The following ESR1 variants were observed in gnomAD, a reference collection of about 807,000 sequenced individuals.
ESR1 encodes the protein estrogen receptor.
ESR1 carries 12 observed loss-of-function variants against 52.7 expected under a neutral mutation model. That is an observed-to-expected ratio of 0.23 (90% confidence interval 0.15 to 0.37). ESR1 has a LOEUF of 0.37. Ranked by LOEUF, ESR1 falls within the 10% of genes least tolerant of loss-of-function variation. ESR1 has a pLI of 1.00. For missense variants in ESR1, 584 were observed against 779.7 expected, an observed-to-expected ratio of 0.75 and a Z score of 2.99; for synonymous variants, 305 against 316.8, an observed-to-expected ratio of 0.96 and a Z score of 0.39.
intron 5 of ESR1, among the ~76,000 whole-genome samples, chr6:152,012,216 C>T (rs550686628): frequency 6.6e-6 from 1 of 152,174 alleles, no homozygotes; most frequent in African/African-American, 2.4e-5. Context: ...CCAATTTTCC[C>T]ATCCGTAAAA....
At chr6:151,775,712 C>G (rs571701155) in intron 2 of ESR1, among the ~76,000 whole-genome samples, 195 of 150,812 alleles carry the variant, frequency 1.3e-3, no homozygotes, top group African/African-American at 4.5e-3. Flanking sequence ...CGCCACTGCA[C>G]TCCAGCCTGG....
Position 151,944,130 on chromosome 6 carries a change from G to A in ESR1, c.761-43G>A, listed in dbSNP as rs202190274. 47 of 1,553,904 alleles carry A rather than the reference G, an allele frequency of 3.0e-5. 2 individuals carry two copies. Among genetic ancestry groups the A allele is most frequent in the Admixed American group, 2.1e-4 (12 of 57,676 alleles). ...AAATTTTTTGTATAAAAGTTTACACGGGAAAAAAATAAACTAATTTTTTTT... is the reference window on the plus strand; with the variant it reads ...AAATTTTTTGTATAAAAGTTTACACAGGAAAAAAATAAACTAATTTTTTTT... On this transcript the variant is annotated intron_variant, in intron 3 of 7. Coordinates refer to ENST00000206249, the MANE Select transcript of ESR1 (RefSeq NM_000125.4).
At chr6:151,692,605 T>C (rs1779032550) in intron 1 of ESR1, among the ~76,000 whole-genome samples, 1 of 152,188 alleles carries the variant, frequency 6.6e-6, no homozygotes, top group African/African-American at 2.4e-5. Context: ...GTCTCCATTG[T>C]TAATCTCCGA....
chr6:151,962,460 G>T (rs573656774), intron 4 of ESR1, among the ~76,000 whole-genome samples: 2 of 152,094 alleles, frequency 1.3e-5, no homozygotes, highest in African/African-American at 4.8e-5. Flanking sequence ...CACATATCCC[G>T]GATGTAGTGT....
Position 151,944,465 on chromosome 6 carries a change from C to T in ESR1, c.1053C>T (p.Asp351=), listed in dbSNP as rs1020108655. ...TGGGCTTACTGACCAACCTGGCAGA[C>T]AGGGAGCTGGTTCACATGATCAACT... The part of the protein sequence containing the change: ...SMMGLLTNLA[D]RELVHMINWA... The change falls in exon 4 of 8, where the codon GAC becomes GAT. Residue 351 remains aspartate, a synonymous_variant. Coordinates refer to ENST00000206249, the MANE Select transcript of ESR1 (RefSeq NM_000125.4). The T allele has an allele frequency of 9.9e-6, 16 of 1,614,104 alleles. No individual in the cohort carries two copies. The highest frequency in any genetic ancestry group is 6.7e-5 in the Admixed American group (4 of 60,016).
chr6:152,078,653 C>T (rs1231450119), intron 6 of ESR1, among the ~76,000 whole-genome samples: 6 of 152,238 alleles, frequency 3.9e-5, no homozygotes, highest in Non-Finnish European at 4.4e-5. Flanking sequence ...GAGGGTGAGC[C>T]GAACTGGGGC....
rs535232706 is a variant in ESR1 at position 151,984,036 on chromosome 6, G to A, written c.1097-27620G>A. On this transcript the variant is annotated intron_variant, in intron 4 of 7. Coordinates refer to ENST00000206249, the MANE Select transcript of ESR1 (RefSeq NM_000125.4). ...TTTGTTTCCACCAACTCTCCCTGAA[G>A]ATGAGGCGCACAGACAGACAACTCA... 4 of 152,230 alleles carry A rather than the reference G, an allele frequency of 2.6e-5. No individual in the cohort carries two copies. In the South Asian group the frequency reaches 8.3e-4, roughly 32 times the overall value. 9.4% of individuals were successfully genotyped at this position (152,230 alleles called of 1,614,324 possible).
chr6:151,958,863 T>C (rs1042658925), intron 4 of ESR1, among the ~76,000 whole-genome samples: 2 of 152,176 alleles, frequency 1.3e-5, no homozygotes, highest in African/African-American at 4.8e-5. Context: ...AGCCAACAGC[T>C]TTGATGTCCT....
intron 2 of ESR1, among the ~76,000 whole-genome samples, chr6:151,854,078 C>T (rs182716564): frequency 5.3e-5 from 8 of 152,192 alleles, no homozygotes; most frequent in Admixed American, 5.2e-4. Context: ...AGCTTTATAT[C>T]CTTTTAAAGA....
chr6:151,789,122 C>A (rs567153269), intron 2 of ESR1, among the ~76,000 whole-genome samples: 85 of 151,956 alleles, frequency 5.6e-4, no homozygotes, highest in Non-Finnish European at 7.1e-4. Context: ...TAAAAAAAAA[C>A]CCCAAAAGGT....
chr6:151,910,858 T>C (rs1562538728), intron 3 of ESR1, among the ~76,000 whole-genome samples: 1 of 152,216 alleles, frequency 6.6e-6, no homozygotes, highest in African/African-American at 2.4e-5. Flanking sequence ...CCAAACTTTT[T>C]CTCACCAGGG....
Position 151,977,727 on chromosome 6 carries a change from G to A in ESR1, c.1096+33219G>A, listed in dbSNP as rs112314390. Among the ~76,000 whole-genome samples, 38 of 151,956 alleles carry A rather than the reference G, an allele frequency of 2.5e-4. No homozygotes were observed. The East Asian group carries it at 5.8e-3, about 23-fold the overall frequency. ...CAAGAATTGCTTGAACCCAGGAGGC[G>A]GAGGTTGCAGTGAGCCAAAATCGCA... On this transcript the variant is annotated intron_variant, in intron 4 of 7. Coordinates refer to ENST00000206249, the MANE Select transcript of ESR1 (RefSeq NM_000125.4).
intron 3 of ESR1, among the ~76,000 whole-genome samples, chr6:151,883,743 G>T (rs1793358958): frequency 6.6e-6 from 1 of 152,050 alleles, no homozygotes; most frequent in Non-Finnish European, 1.5e-5. Flanking sequence ...AGCTCTGGAG[G>T]CTGAAGTCTG....
rs555967529 is a variant in ESR1 at position 152,059,245 on chromosome 6, AG to A, written c.1236-1745del. On this transcript the variant is annotated intron_variant, in intron 5 of 7. Coordinates refer to ENST00000206249, the MANE Select transcript of ESR1 (RefSeq NM_000125.4). Reference sequence around the variant, plus strand: ...AGAAGATCAAAAATTTAAACATAAAAGCATGGAAGTATACTAGAAGGAAATA... The same window carrying A: ...AGAAGATCAAAAATTTAAACATAAAACATGGAAGTATACTAGAAGGAAATA... Among the ~76,000 whole-genome samples, 32 of 152,220 alleles carry A rather than the reference AG, an allele frequency of 2.1e-4. No homozygotes were observed. In the East Asian group the frequency reaches 5.4e-3, roughly 26 times the overall value.
At chr6:151,744,079 G>A (rs181666003) in intron 2 of ESR1, among the ~76,000 whole-genome samples, 1 of 152,090 alleles carries the variant, frequency 6.6e-6, no homozygotes, top group Non-Finnish European at 1.5e-5. Flanking sequence ...GCATGTGTCA[G>A]CACCTCATTT....
chr6:151,791,179 T>G (rs1270793808), intron 2 of ESR1, among the ~76,000 whole-genome samples: 2 of 152,212 alleles, frequency 1.3e-5, no homozygotes, highest in African/African-American at 4.8e-5. Context: ...GGTTACAGGC[T>G]GATGTGGTTT....
At chr6:151,877,107 T>A (rs929517920) in intron 2 of ESR1, among the ~76,000 whole-genome samples, 20 of 152,028 alleles carry the variant, frequency 1.3e-4, no homozygotes, top group Non-Finnish European at 2.9e-5. Flanking sequence ...TTAAAAAGAA[T>A]TTCTTCTTTT....
chr6:151,703,259 A>G (rs1358660558), intron 2 of ESR1, among the ~76,000 whole-genome samples: 1 of 152,226 alleles, frequency 6.6e-6, no homozygotes, highest in Non-Finnish European at 1.5e-5. Flanking sequence ...TGACTAACCA[A>G]AAATGGTAAA....
intron 2 of ESR1, among the ~76,000 whole-genome samples, chr6:151,757,716 C>T (rs1784391546): frequency 6.6e-6 from 1 of 152,172 alleles, no homozygotes; most frequent in Non-Finnish European, 1.5e-5. Context: ...TTCTCATGTG[C>T]TACTAGAACC....
Sources: allele counts gnomAD v4.1 joint callset (sites outside exome capture counted in the v4.1 genomes callset), GRCh38; gene constraint gnomAD v4.1.1; transcripts MANE v1.5; gene names NCBI Gene and HGNC (gene_info 2026-07-23, HGNC 2026-07-21).